The following CCNJL variants were observed in gnomAD, a reference collection of about 807,000 sequenced individuals.
The protein encoded by CCNJL is cyclin J like, also known as cyclin-J-like protein.
CCNJL carries 33 observed loss-of-function variants against 33.4 expected under a neutral mutation model. The observed-to-expected ratio is 0.99, with a 90% CI of 0.75 to 1.32. The LOEUF is 1.32. Among genes scored for constraint, CCNJL ranks in the 40% most tolerant of loss-of-function variants. CCNJL has a pLI of 0.00. For missense variants in CCNJL, 512 were observed against 499.7 expected, an observed-to-expected ratio of 1.02 and a Z score of -0.23; for synonymous variants, 227 against 220.9, an observed-to-expected ratio of 1.03 and a Z score of -0.24.
rs1420347763 is a variant in CCNJL, at chr5:160,326,976, A to G, written n.207-11471T>C. On this transcript the variant is annotated intron_variant and non_coding_transcript_variant, in intron 1 of 7. Coordinates refer to the CCNJL transcript ENST00000377503. Reference sequence around the variant, plus strand: ...TGCTACGAAGTTTCTCCAACTAGAAATGAACAATGAAGTGAGAAATTGTTG... The same window carrying G: ...TGCTACGAAGTTTCTCCAACTAGAAGTGAACAATGAAGTGAGAAATTGTTG... 3 of 576,034 alleles carry G rather than the reference A, an allele frequency of 5.2e-6. No homozygotes were observed. In the African/African-American group the frequency reaches 5.6e-5, roughly 11 times the overall value. 35.7% of individuals were successfully genotyped at this position (576,034 alleles called of 1,614,324 possible). A position where few individuals can be genotyped will look rare whatever the true frequency, so the allele number is the denominator to read the frequency against.
chr5:160,250,927 A>T lies in CCNJL; in HGVS notation c.*2451T>A. ...TATGAGGCAAGGTGTTATCACTCCC[A>T]TTTTAACAGGTGACAAGATGGAGGC... On this transcript the variant is annotated 3_prime_UTR_variant, in exon 6 of 6. Coordinates refer to ENST00000257536, the MANE Select transcript of CCNJL (RefSeq NM_001308173.3). 6.6e-6 allele frequency: 1 copy of T among 152,142 alleles called. No homozygotes were observed. 9.4% of individuals were successfully genotyped at this position (152,142 alleles called of 1,614,324 possible). A position where few individuals can be genotyped will look rare whatever the true frequency, so the allele number is the denominator to read the frequency against.
intron 1 of CCNJL, among the ~76,000 whole-genome samples, chr5:160,335,126 G>A (rs557273391): frequency 3.4e-4 from 52 of 151,946 alleles, no homozygotes; most frequent in African/African-American, 1.2e-3. Flanking sequence ...AGTCAGGTGT[G>A]GTGGCATGCG....
chr5:160,299,302 A>G (rs922911277), intron 2 of CCNJL, among the ~76,000 whole-genome samples: 1 of 152,112 alleles, frequency 6.6e-6, no homozygotes, highest in South Asian at 2.1e-4. Context: ...CGTGCCTGCC[A>G]ACAGGCCCGG....
intron 4 of CCNJL, among the ~76,000 whole-genome samples, chr5:160,257,069 C>G (rs1280801941): frequency 1.3e-5 from 2 of 152,090 alleles, no homozygotes; most frequent in Admixed American, 6.6e-5. Flanking sequence ...ATCATTCAGT[C>G]AGACTCCCAA....
At chr5:160,299,011 A>G (rs1762835516) in intron 2 of CCNJL, among the ~76,000 whole-genome samples, 1 of 152,018 alleles carries the variant, frequency 6.6e-6, no homozygotes, top group South Asian at 2.1e-4. Flanking sequence ...CAGAGTCTTG[A>G]TCTGTCACCC....
chr5:160,325,356 TCTCCTTTCCTGCTTGCCCAATCTTATCGC>T (rs1763521466), intron 1 of CCNJL, among the ~76,000 whole-genome samples: 1 of 152,138 alleles, frequency 6.6e-6, no homozygotes, highest in African/African-American at 2.4e-5. Context: ...CAGTCATTGG[TCTCCTTTCCTGCTTGCCCAATCTTATCGC>T]CTGTTGCTCC....
At chr5:160,338,893 C>T (rs1199445459) in intron 1 of CCNJL, among the ~76,000 whole-genome samples, 8 of 152,172 alleles carry the variant, frequency 5.3e-5, no homozygotes, top group East Asian at 1.9e-4. Context: ...CGGGTCCAAG[C>T]GATTCTCCTG....
At position 160,272,964 on chromosome 5, in the gene CCNJL, C is replaced by T. The variant is rs563489132; in HGVS notation, c.280+7561G>A. Among the ~76,000 whole-genome samples, 155 of 152,300 alleles carry T rather than the reference C, an allele frequency of 1.0e-3. 1 individual carries two copies. The highest frequency in any genetic ancestry group is 3.7e-3 in the African/African-American group (153 of 41,558). On this transcript the variant is annotated intron_variant, in intron 3 of 5. Transcript: ENST00000257536. ...AATAGAGAAATCATTACATAAATGA[C>T]AGTGTTTATAAAACAAAGGACTTTG...
chr5:160,270,239 T>A (rs545997466), intron 3 of CCNJL, among the ~76,000 whole-genome samples: 4 of 150,262 alleles, frequency 2.7e-5, no homozygotes, highest in African/African-American at 9.8e-5. Context: ...AGGCCAGGAG[T>A]TCAAGACCAG....
At chr5:160,335,349 T>C (rs1017769982) in intron 1 of CCNJL, among the ~76,000 whole-genome samples, 7 of 152,202 alleles carry the variant, frequency 4.6e-5, no homozygotes, top group Non-Finnish European at 1.0e-4. Flanking sequence ...TATTTTTATG[T>C]ACCTGGATAT....
chr5:160,316,039 T>C (rs896176072), upstream of CCNJL, among the ~76,000 whole-genome samples: 4 of 152,228 alleles, frequency 2.6e-5, no homozygotes, highest in Admixed American at 2.6e-4. Context: ...AGTAGGATTC[T>C]AAGCATACTC....
intron 2 of CCNJL, among the ~76,000 whole-genome samples, chr5:160,282,556 G>GT (rs1323904298): frequency 6.7e-6 from 1 of 149,192 alleles, no homozygotes; most frequent in African/African-American, 2.6e-5. Context: ...AAAATCACAT[G>GT]TTAATAAAAG....
rs191450103 is a variant in CCNJL at position 160,274,456 on chromosome 5, C to T, written c.280+6069G>A. On this transcript the variant is annotated intron_variant, in intron 3 of 5. Coordinates refer to ENST00000257536, the MANE Select transcript of CCNJL (RefSeq NM_001308173.3). Reference sequence around the variant, plus strand: ...CCTAGGTGACAGAGTGAGACCTCGTCTCAAAAAAAAAAACAATCTGTAGTA... The same window carrying T: ...CCTAGGTGACAGAGTGAGACCTCGTTTCAAAAAAAAAAACAATCTGTAGTA... Among the ~76,000 whole-genome samples, 371 of 151,204 alleles carry T rather than the reference C, an allele frequency of 2.5e-3. 1 individual carries two copies. Among genetic ancestry groups the T allele is most frequent in the Non-Finnish European group, 4.0e-3 (271 of 67,806 alleles).
chr5:160,281,889 A>G (rs1762227569), intron 2 of CCNJL, among the ~76,000 whole-genome samples: 1 of 152,108 alleles, frequency 6.6e-6, no homozygotes, highest in Non-Finnish European at 1.5e-5. Flanking sequence ...TCCTGACCTC[A>G]AGCGATCCTT....
intron 1 of CCNJL, among the ~76,000 whole-genome samples, chr5:160,334,249 C>G (rs1763655482): frequency 6.6e-6 from 1 of 152,164 alleles, no homozygotes; most frequent in Non-Finnish European, 1.5e-5. Context: ...TTCCATGGCT[C>G]ACCATTAAAT....
intron 3 of CCNJL, among the ~76,000 whole-genome samples, chr5:160,276,085 A>G (rs1414095535): frequency 6.6e-6 from 1 of 152,170 alleles, no homozygotes; most frequent in Non-Finnish European, 1.5e-5. Flanking sequence ...ATACAATGGA[A>G]TATTATTCAG....
intron 1 of CCNJL, among the ~76,000 whole-genome samples, chr5:160,336,851 G>A (rs1316750541): frequency 6.6e-6 from 1 of 152,006 alleles, no homozygotes; most frequent in Admixed American, 6.6e-5. Context: ...CAAATACTCA[G>A]TGAAACCTGT....
chr5:160,292,712 CTGTA>C (rs60748151), intron 2 of CCNJL, among the ~76,000 whole-genome samples: 1 of 151,302 alleles, frequency 6.6e-6, no homozygotes, highest in Non-Finnish European at 1.5e-5. Context: ...ACTTGAAAGT[CTGTA>C]TGTATATATA....
chr5:160,255,971 C>A (rs186764266), intron 4 of CCNJL, among the ~76,000 whole-genome samples: 1 of 152,296 alleles, frequency 6.6e-6, no homozygotes, highest in Non-Finnish European at 1.5e-5. Flanking sequence ...TCACTGCAGC[C>A]TCAACTTCCC....
Sources: allele counts gnomAD v4.1 joint callset (sites outside exome capture counted in the v4.1 genomes callset), GRCh38; gene constraint gnomAD v4.1.1; transcripts MANE v1.5; gene names NCBI Gene and HGNC (gene_info 2026-07-23, HGNC 2026-07-21).